DLGAP1: variants seen among roughly 807,000 people sequenced by gnomAD.
DLGAP1 encodes the protein DLG associated protein 1, also known as disks large-associated protein 1.
A neutral mutation model predicts 90.8 loss-of-function variants in DLGAP1; 11 were observed. The observed-to-expected ratio is 0.12, with a 90% CI of 0.08 to 0.20. DLGAP1 has a LOEUF of 0.20. Among genes scored for constraint, DLGAP1 ranks in the 10% least tolerant of loss-of-function variants. The pLI, the probability that DLGAP1 is intolerant of heterozygous loss-of-function variation, is 1.00. For synonymous variants in DLGAP1, 558 were observed against 540.7 expected (o/e 1.03, Z -0.44); for missense variants, 1,050 against 1,333.8 (o/e 0.79, Z 3.31).
chr18:4,295,960 T>G (rs1448721822), intron 1 of DLGAP1, among the ~76,000 whole-genome samples: 1 of 152,204 alleles, frequency 6.6e-6, no homozygotes, highest in African/African-American at 2.4e-5. Flanking sequence ...AGTGCTTACT[T>G]TGAGCCAGTC....
chr18:4,075,731 T>C (rs1210605728), intron 2 of DLGAP1, among the ~76,000 whole-genome samples: 1 of 139,304 alleles, frequency 7.2e-6, no homozygotes, highest in East Asian at 1.9e-4. Context: ...TAACAATAAG[T>C]GAGACAACAA....
At chr18:4,128,316 A>G (rs143252791) in intron 2 of DLGAP1, among the ~76,000 whole-genome samples, 210 of 152,258 alleles carry the variant, frequency 1.4e-3, no homozygotes, top group African/African-American at 4.7e-3. Context: ...TTTAAAGTAT[A>G]CCGGGGGGAT....
At chr18:4,442,512 T>C (rs1277025592) in intron 1 of DLGAP1, among the ~76,000 whole-genome samples, 1 of 152,196 alleles carries the variant, frequency 6.6e-6, no homozygotes, top group Non-Finnish European at 1.5e-5. Flanking sequence ...GTATCTATAA[T>C]GCAACGCAGT....
At chr18:4,309,636 A>C (rs573471440) in intron 1 of DLGAP1, among the ~76,000 whole-genome samples, 2 of 152,288 alleles carry the variant, frequency 1.3e-5, no homozygotes, top group East Asian at 3.9e-4. Flanking sequence ...GGAGAAGGAA[A>C]GATGCTGTAA....
chr18:3,881,916 C>G (rs554298779), intron 3 of DLGAP1, among the ~76,000 whole-genome samples: 8 of 149,000 alleles, frequency 5.4e-5, no homozygotes, highest in Non-Finnish European at 1.0e-4. Context: ...CCGTCTGTCT[C>G]AGAACAAACA....
intron 2 of DLGAP1, among the ~76,000 whole-genome samples, chr18:4,045,462 A>AAATAAAAAAAAAAAG (rs2075038015): frequency 7.0e-6 from 1 of 142,530 alleles, no homozygotes; most frequent in Non-Finnish European, 1.5e-5. Context: ...AAAAAAAAAA[A>AAATAAAAAAAAAAAG]AAAGCTTGCC....
intron 1 of DLGAP1, among the ~76,000 whole-genome samples, chr18:4,424,145 C>A (rs567447955): frequency 1.3e-5 from 2 of 151,992 alleles, no homozygotes; most frequent in East Asian, 3.9e-4. Context: ...AGCGAGACTC[C>A]ATCTTAAAAA....
At chr18:3,529,324 C>A (rs1278809412) in intron 10 of DLGAP1, among the ~76,000 whole-genome samples, 2 of 152,150 alleles carry the variant, frequency 1.3e-5, no homozygotes, top group African/African-American at 4.8e-5. Context: ...GCAGCCCTTG[C>A]CAGACACCAA....
chr18:4,271,991 C>T (rs1346974953), intron 1 of DLGAP1, among the ~76,000 whole-genome samples: 1 of 152,052 alleles, frequency 6.6e-6, no homozygotes, highest in East Asian at 1.9e-4. Flanking sequence ...AAGACTGAGA[C>T]CAAGTTTCCT....
chr18:3,652,088 T>A (rs1251326015), intron 7 of DLGAP1, among the ~76,000 whole-genome samples: 1 of 145,200 alleles, frequency 6.9e-6, no homozygotes, highest in African/African-American at 2.6e-5. Context: ...TGCTTGAACC[T>A]GGGAGGTGGA....
intron 1 of DLGAP1, among the ~76,000 whole-genome samples, chr18:4,348,639 G>A (rs145585480): frequency 6.6e-6 from 1 of 152,002 alleles, no homozygotes; most frequent in South Asian, 2.1e-4. Flanking sequence ...TTTGGGAATG[G>A]GTAGATATTA....
chr18:4,441,862 T>C (rs1251337032), intron 1 of DLGAP1, among the ~76,000 whole-genome samples: 2 of 152,178 alleles, frequency 1.3e-5, no homozygotes, highest in Non-Finnish European at 1.5e-5. Context: ...GCCAACCAAT[T>C]GTCAGGCACT....
At chr18:4,008,996 C>T (rs1391869633) in intron 2 of DLGAP1, among the ~76,000 whole-genome samples, 4 of 152,170 alleles carry the variant, frequency 2.6e-5, no homozygotes, top group African/African-American at 7.2e-5. Flanking sequence ...CTCTGCCTCC[C>T]GGGTTCACGC....
intron 1 of DLGAP1, among the ~76,000 whole-genome samples, chr18:4,269,073 G>A (rs1441652397): frequency 1.3e-5 from 2 of 151,836 alleles, no homozygotes; most frequent in Non-Finnish European, 2.9e-5. Flanking sequence ...AGTAGTCCCA[G>A]TTAATATTAA....
intron 4 of DLGAP1, among the ~76,000 whole-genome samples, chr18:3,840,471 A>T (rs2068653726): frequency 6.6e-6 from 1 of 152,180 alleles, no homozygotes; most frequent in Non-Finnish European, 1.5e-5. Flanking sequence ...TTCCACGGCC[A>T]CATAGTCTCC....
intron 2 of DLGAP1, among the ~76,000 whole-genome samples, chr18:4,103,842 T>TA (rs929299412): frequency 6.6e-6 from 1 of 152,124 alleles, no homozygotes; most frequent in African/African-American, 2.4e-5. Flanking sequence ...TTAACATAGA[T>TA]AAAAAAATTG....
chr18:3,871,057 A>G lies in DLGAP1; in HGVS notation c.957+8055T>C, dbSNP rs1320644924. Reference sequence around the variant, plus strand: ...CTTTGCTTCCCTGTGCCTTGGCCCCATTGCCTTAAAAGGATGTTATGAGAA... The same window carrying G: ...CTTTGCTTCCCTGTGCCTTGGCCCCGTTGCCTTAAAAGGATGTTATGAGAA... On this transcript the variant is annotated intron_variant, in intron 4 of 12. Coordinates refer to ENST00000315677, the MANE Select transcript of DLGAP1 (RefSeq NM_004746.4). 2.0e-5 allele frequency among the ~76,000 whole-genome samples: 3 copies of G among 152,176 alleles called. No individual in the cohort carries two copies. The East Asian group carries it at 5.8e-4, about 29-fold the overall frequency.
intron 2 of DLGAP1, among the ~76,000 whole-genome samples, chr18:4,009,024 C>T (rs570681190): frequency 3.3e-5 from 5 of 152,328 alleles, no homozygotes; most frequent in African/African-American, 1.2e-4. Context: ...CTGCCTCAGC[C>T]TTTGGAGTAG....
At chr18:3,991,094 T>G (rs1191604837) in intron 3 of DLGAP1, among the ~76,000 whole-genome samples, 2 of 152,134 alleles carry the variant, frequency 1.3e-5, no homozygotes, top group African/African-American at 4.8e-5. Flanking sequence ...GTCACCCAGG[T>G]AATCAGCATA....
Sources: gnomAD v4.1 joint callset for allele counts (sites outside exome capture counted in the v4.1 genomes callset) on GRCh38, gnomAD v4.1.1 for gene constraint, MANE v1.5 for transcripts, NCBI Gene and HGNC (gene_info 2026-07-23, HGNC 2026-07-21) for gene names.